CATSPERT: variants seen among roughly 807,000 people sequenced by gnomAD.
CATSPERT encodes cation channel sperm-associated targeting subunit tau.
the CATSPERT span, among the ~76,000 whole-genome samples, chr2:201,552,439 G>T: frequency 6.6e-6 from 1 of 152,174 alleles, no homozygotes; most frequent in Non-Finnish European, 1.5e-5. Context: ...GATTGAGGTT[G>T]CCCACCATTT....
At chr2:201,543,336 C>T in the CATSPERT span, among the ~76,000 whole-genome samples, 2 of 152,106 alleles carry the variant, frequency 1.3e-5, no homozygotes, top group Admixed American at 1.3e-4. Flanking sequence ...ATCCAGAGTC[C>T]TCTGTGGTTC....
the CATSPERT span, chr2:201,493,782 T>C: frequency 6.5e-7 from 1 of 1,536,732 alleles, no homozygotes; most frequent in African/African-American, 1.4e-5. Flanking sequence ...TTGAACCTGA[T>C]TTGGAGTTAG....
the CATSPERT span, among the ~76,000 whole-genome samples, chr2:201,614,140 A>T: frequency 6.6e-6 from 1 of 152,236 alleles, no homozygotes; most frequent in Non-Finnish European, 1.5e-5. Context: ...ACTCTTCAGG[A>T]TATTATCCAG....
chr2:201,575,850 C>T, the CATSPERT span, among the ~76,000 whole-genome samples: 42 of 152,282 alleles, frequency 2.8e-4, 1 homozygote, highest in East Asian at 7.9e-3. Context: ...CCACCCTCCC[C>T]ATGCTGGTCT....
chr2:201,582,292 A>G, the CATSPERT span: 2 of 1,308,160 alleles, frequency 1.5e-6, no homozygotes, highest in Non-Finnish European at 2.1e-6. Context: ...CATCCAATAT[A>G]CTATTACTAT....
the CATSPERT span, among the ~76,000 whole-genome samples, chr2:201,561,106 T>C: frequency 6.6e-6 from 1 of 152,130 alleles, no homozygotes; most frequent in Non-Finnish European, 1.5e-5. Context: ...ATTACACTCT[T>C]CCCAGACTTC....
At chr2:201,495,511 T>A in the CATSPERT span, among the ~76,000 whole-genome samples, 2 of 152,168 alleles carry the variant, frequency 1.3e-5, no homozygotes, top group African/African-American at 4.8e-5. Context: ...AAACTCTTTT[T>A]TCGTACTTCT....
chr2:201,530,961 G>GGTTTTTT, the CATSPERT span, among the ~76,000 whole-genome samples: 9 of 106,048 alleles, frequency 8.5e-5, no homozygotes, highest in East Asian at 1.8e-3. Flanking sequence ...TTTTTTGTGG[G>GGTTTTTT]TTTTTTTTTT....
the CATSPERT span, among the ~76,000 whole-genome samples, chr2:201,571,779 A>G: frequency 6.6e-6 from 1 of 152,142 alleles, no homozygotes; most frequent in African/African-American, 2.4e-5. Flanking sequence ...CCTGTTATTA[A>G]GCAAAACAAT....
chr2:201,594,674 G>A, the CATSPERT span, among the ~76,000 whole-genome samples: 135 of 149,932 alleles, frequency 9.0e-4, 1 homozygote, highest in South Asian at 0.027. Context: ...GGCTTTGCTC[G>A]TTTCTTTTTA....
chr2:201,541,035 G>T, the CATSPERT span, among the ~76,000 whole-genome samples: 1 of 152,198 alleles, frequency 6.6e-6, no homozygotes, highest in African/African-American at 2.4e-5. Flanking sequence ...AGTAACTACA[G>T]ATGTGATGAA....
At chr2:201,574,048 A>G in the CATSPERT span, among the ~76,000 whole-genome samples, 1 of 152,256 alleles carries the variant, frequency 6.6e-6, no homozygotes, top group South Asian at 2.1e-4. Context: ...ATCTTTCTTT[A>G]GGCTGAAGAG....
the CATSPERT span, among the ~76,000 whole-genome samples, chr2:201,516,866 G>A: frequency 6.6e-6 from 1 of 151,900 alleles, no homozygotes; most frequent in Non-Finnish European, 1.5e-5. Flanking sequence ...CAGACTAGGT[G>A]CGTAGGGAGA....
At chr2:201,547,499 A>C in the CATSPERT span, 2 of 1,438,664 alleles carry the variant, frequency 1.4e-6, no homozygotes, top group South Asian at 2.4e-5. Context: ...GTATTATGTC[A>C]ATTACCTCAG....
At chr2:201,545,966 A>G in the CATSPERT span, among the ~76,000 whole-genome samples, 1 of 152,292 alleles carries the variant, frequency 6.6e-6, no homozygotes, top group South Asian at 2.1e-4. Context: ...TACCCCCAGG[A>G]AACAGATTAC....
the CATSPERT span, chr2:201,534,429 A>G: frequency 1.0e-6 from 1 of 985,158 alleles, no homozygotes; most frequent in Non-Finnish European, 1.2e-6. Flanking sequence ...TGGAAGTCAG[A>G]CTGAATGTAA....
the CATSPERT span, among the ~76,000 whole-genome samples, chr2:201,528,272 T>G: frequency 6.6e-6 from 1 of 152,044 alleles, no homozygotes; most frequent in African/African-American, 2.4e-5. Context: ...TAGATGCTGG[T>G]GAGGCTGTGG....
At chr2:201,515,957 C>T in the CATSPERT span, among the ~76,000 whole-genome samples, 14 of 152,224 alleles carry the variant, frequency 9.2e-5, no homozygotes, top group Non-Finnish European at 1.3e-4. Context: ...CAGCAGTATT[C>T]ATGTGCCAAT....
At chr2:201,534,082 ATC>A in the CATSPERT span, among the ~76,000 whole-genome samples, 78 of 150,636 alleles carry the variant, frequency 5.2e-4, no homozygotes, top group African/African-American at 1.7e-3. Context: ...CTATCTATCT[ATC>A]TATCAAATCT....
Sources: gnomAD v4.1 joint callset for allele counts (sites outside exome capture counted in the v4.1 genomes callset) on GRCh38, gnomAD v4.1.1 for gene constraint, MANE v1.5 for transcripts, NCBI Gene and HGNC (gene_info 2026-07-23, HGNC 2026-07-21) for gene names.